Variants in MCF2L2 observed in about 807,000 individuals in gnomAD.
MCF2L2 encodes the protein MCF.2 cell line derived transforming sequence-like 2.
A neutral mutation model predicts 150.2 loss-of-function variants in MCF2L2; 102 were observed. The ratio of observed to expected loss-of-function variants is 0.68; its 90% CI spans 0.58 to 0.80. The LOEUF (loss-of-function observed/expected upper bound fraction) is 0.80, where lower values mean the gene tolerates loss of function less well. Among genes scored for constraint, MCF2L2 ranks in the 30% least tolerant of loss-of-function variants. The pLI, the probability that MCF2L2 is intolerant of heterozygous loss-of-function variation, is 0.00. For missense variants in MCF2L2, 1,256 were observed against 1,372.8 expected (o/e 0.91, Z 1.34); for synonymous variants, 465 against 491.3 (o/e 0.95, Z 0.71).
chr3:183,326,420 A>T (rs1373057186), intron 5 of MCF2L2, among the ~76,000 whole-genome samples: 1 of 132,090 alleles, frequency 7.6e-6, no homozygotes, highest in East Asian at 2.6e-4. Context: ...GGAATTCAGG[A>T]GGCGGAGGTT....
chr3:183,278,257 C>T (rs1294780811), intron 14 of MCF2L2, among the ~76,000 whole-genome samples: 1 of 149,326 alleles, frequency 6.7e-6, no homozygotes, highest in Non-Finnish European at 1.5e-5. Flanking sequence ...AAAGATATCT[C>T]ATCAGTTACG....
chr3:183,203,295 T>C (rs918675368), intron 25 of MCF2L2, among the ~76,000 whole-genome samples: 1 of 152,152 alleles, frequency 6.6e-6, no homozygotes, highest in Non-Finnish European at 1.5e-5. Flanking sequence ...ACTTTAACTA[T>C]TTTTACATGT....
chr3:183,383,337 C>T (rs576012901), intron 2 of MCF2L2, among the ~76,000 whole-genome samples: 8 of 152,102 alleles, frequency 5.3e-5, no homozygotes, highest in Admixed American at 5.2e-4. Flanking sequence ...CGGGTTCAAG[C>T]GATTCTCCTG....
chr3:183,300,205 T>C lies in MCF2L2; in HGVS notation c.1114-9A>G. 1 of 1,596,422 alleles carries C rather than the reference T, an allele frequency of 6.3e-7. No individual in the cohort carries two copies. The highest frequency in any genetic ancestry group is 8.5e-7 in the Non-Finnish European group (1 of 1,174,246). ...GCCTTTTCCAGGGGCTCCTGCAAAG[T>C]GAACACCCACAGCCAGGCGTCAGAA... On this transcript the variant is annotated splice_polypyrimidine_tract_variant and intron_variant, in intron 10 of 29. Transcript: ENST00000328913.
At chr3:183,296,863 A>G in intron 12 of MCF2L2, 113 bp downstream of exon 12, 3 of 1,200,490 alleles carry the variant, frequency 2.5e-6, no homozygotes, top group South Asian at 3.2e-5. Flanking sequence ...CAGTGAGCCC[A>G]CTCAATTCAG....
In MCF2L2 at chr3:183,219,875, T is replaced by G. The variant is rs1723081347; in HGVS notation, c.2351A>C (p.Glu784Ala). 4 of 1,613,044 alleles carry G rather than the reference T, an allele frequency of 2.5e-6. No homozygotes were observed. Among genetic ancestry groups the G allele is most frequent in the Non-Finnish European group, 3.4e-6 (4 of 1,179,168 alleles). ...SPEDMEIDPG[E>A]LGGSAKDGPK... ...GAGTACCTTAGCCGAGCCTCCTAGT[T>G]CACCTGGGTCTATCTCCATATCTTC... The change falls in exon 21 of 30, where the codon GAA becomes GCA. Residue 784 changes from glutamate to alanine, a missense_variant. Glu to Ala is a moderately radical substitution (Grantham distance 107). Coordinates refer to ENST00000328913, the MANE Select transcript of MCF2L2 (RefSeq NM_015078.4).
chr3:183,179,388 C>T lies in MCF2L2; in HGVS notation c.3337G>A (p.Glu1113Lys). 6.5e-7 allele frequency: 1 copy of T among 1,542,358 alleles called. No individual in the cohort carries two copies. Among genetic ancestry groups the T allele is most frequent in the East Asian group, 2.4e-5 (1 of 41,834 alleles). ...RALRPRTSAQ[E>K]S The stretch of plus-strand genomic sequence containing the variant: ...GGGCGTCCGCAGGGAGGTCAGCTCT[C>T]CTGGGCGGAGGTCCTCGGGCGCAGC... Residue 1113 changes from glutamate (E) to lysine (K), a missense_variant, in exon 30 of 30, where the codon GAG (glutamate) becomes AAG (lysine). Glu to Lys is a moderately conservative substitution (Grantham distance 56). Coordinates refer to ENST00000328913, the MANE Select transcript of MCF2L2 (RefSeq NM_015078.4). This position sits in a 1 kb window ranked among gnomAD's most constrained non-coding sequence, Gnocchi z 4.2.
intron 21 of MCF2L2, among the ~76,000 whole-genome samples, chr3:183,216,927 TGGAAAA>T (rs1226963832): frequency 6.6e-6 from 1 of 151,516 alleles, no homozygotes; most frequent in African/African-American, 2.4e-5. Context: ...TTTTAAAGCA[TGGAAAA>T]ACCTAGCTCC....
rs777445125 is a variant in MCF2L2, at chr3:183,219,862, C to T, written c.2364G>A (p.Ser788=). 19 of 1,610,392 alleles carry T rather than the reference C, an allele frequency of 1.2e-5. No individual in the cohort carries two copies. Among genetic ancestry groups the T allele is most frequent in the African/African-American group, 1.1e-4 (8 of 74,774 alleles). The part of the protein sequence containing the change: ...MEIDPGELGG[S]AKDGPKRTKD... ...AATATTTAATATTGAGTACCTTAGC[C>T]GAGCCTCCTAGTTCACCTGGGTCTA... Residue 788 remains serine (S), a synonymous_variant, in exon 21 of 30, where the codon TCG becomes TCA. Coordinates refer to ENST00000328913, the MANE Select transcript of MCF2L2 (RefSeq NM_015078.4).
At chr3:183,209,891 C>T (rs1169332283) in intron 22 of MCF2L2, among the ~76,000 whole-genome samples, 1 of 151,990 alleles carries the variant, frequency 6.6e-6, no homozygotes, top group Non-Finnish European at 1.5e-5. Context: ...TGGGTTCCAT[C>T]TGCAACATAA....
chr3:183,211,680 G>A (rs1722728970), intron 22 of MCF2L2, among the ~76,000 whole-genome samples: 1 of 152,186 alleles, frequency 6.6e-6, no homozygotes, highest in African/African-American at 2.4e-5. Context: ...TCTCAAGGTC[G>A]GAGACCACGT....
At chr3:183,371,142 A>G (rs1712850491) in intron 3 of MCF2L2, among the ~76,000 whole-genome samples, 1 of 152,232 alleles carries the variant, frequency 6.6e-6, no homozygotes. Context: ...TTGTTTAGAC[A>G]CTTGAAAAAC....
Position 183,329,201 on chromosome 3 carries a change from C to CT in MCF2L2, c.487-5851dup, listed in dbSNP as rs982283219. ...TGTGAATGTTTATAGCAGCTTTATT[C>CT]TTTTTTTTTCTTTGAGACAGCGTCT... On this transcript the variant is annotated intron_variant, in intron 5 of 29. Transcript: ENST00000328913. 1.6e-4 allele frequency among the ~76,000 whole-genome samples: 24 copies of CT among 151,790 alleles called. 1 individual carries two copies. The highest frequency in any genetic ancestry group is 5.8e-4 in the East Asian group (3 of 5,166).
chr3:183,386,166 CTG>C (rs1277678792), intron 2 of MCF2L2, among the ~76,000 whole-genome samples: 1 of 152,168 alleles, frequency 6.6e-6, no homozygotes, highest in Admixed American at 6.5e-5. Flanking sequence ...AGATGAAAAA[CTG>C]GGGTTTGGAG....
rs1713871595 is a variant in MCF2L2, at chr3:183,387,064, T to C, written c.160+2632A>G. Among the ~76,000 whole-genome samples the C allele has an allele frequency of 2.6e-5, 4 of 152,176 alleles. No individual in the cohort carries two copies. In the South Asian group the frequency reaches 8.3e-4, roughly 31 times the overall value. On this transcript the variant is annotated intron_variant, in intron 2 of 29. Transcript: ENST00000328913. ...TGAGCCCAGGAGTTCCAGACCAGCC[T>C]GGGCAACATGGCAAAACCCCATCTC... is the stretch of plus-strand genomic sequence containing the variant.
intron 5 of MCF2L2, among the ~76,000 whole-genome samples, chr3:183,324,913 C>T (rs1470847557): frequency 6.6e-6 from 1 of 151,708 alleles, no homozygotes; most frequent in Non-Finnish European, 1.5e-5. Flanking sequence ...AAATGTGGCA[C>T]ATATACATCA....
intron 11 of MCF2L2, chr3:183,297,937 G>T (rs936448683): frequency 6.6e-6 from 1 of 152,184 alleles, no homozygotes. Context: ...TTGGTTACCA[G>T]AACACAGGGT....
intron 3 of MCF2L2, among the ~76,000 whole-genome samples, chr3:183,344,427 G>A (rs1273321524): frequency 6.6e-6 from 1 of 152,088 alleles, no homozygotes; most frequent in Non-Finnish European, 1.5e-5. Flanking sequence ...AATTGGAAAT[G>A]GCCTATAACG....
chr3:183,399,409 G>A (rs1714624877), intron 1 of MCF2L2, among the ~76,000 whole-genome samples: 3 of 152,162 alleles, frequency 2.0e-5, no homozygotes, highest in Admixed American at 2.0e-4. Flanking sequence ...GGGAATAAAT[G>A]TATTATAAAC....
Sources: allele counts gnomAD v4.1 joint callset (sites outside exome capture counted in the v4.1 genomes callset), GRCh38; gene constraint gnomAD v4.1.1; non-coding constraint Gnocchi (gnomAD v3.1); transcripts MANE v1.5; gene names NCBI Gene and HGNC (gene_info 2026-07-23, HGNC 2026-07-21).